The following ONECUT3 variants were observed in gnomAD, a reference collection of about 807,000 sequenced individuals.
The protein encoded by ONECUT3 is one cut homeobox 3.
A neutral mutation model predicts 16.8 loss-of-function variants in ONECUT3; 11 were observed. The observed-to-expected ratio is 0.66, with a 90% CI of 0.41 to 1.09. The LOEUF is 1.09. Among genes scored for constraint, ONECUT3 ranks in the 50% least tolerant of loss-of-function variants. The pLI, the probability that ONECUT3 is intolerant of heterozygous loss-of-function variation, is 0.00. For synonymous variants in ONECUT3, 344 were observed against 310.7 expected (o/e 1.11, Z -1.13); for missense variants, 637 against 629.9 (o/e 1.01, Z -0.12).
At chr19:1,756,695 A>ATTTTTTTTTTTTTT (rs58105449) in intron 1 of ONECUT3, among the ~76,000 whole-genome samples, 185 of 101,134 alleles carry the variant, frequency 1.8e-3, no homozygotes, top group Middle Eastern at 7.9e-3. Context: ...ACGCCTGGCT[A>ATTTTTTTTTTTTTT]TTTTTTTTTT....
Position 1,754,024 on chromosome 19 carries a change from C to T in ONECUT3, c.362C>T (p.Ala121Val), listed in dbSNP as rs1271150534. 8.1e-6 allele frequency: 8 copies of T among 992,540 alleles called. No individual in the cohort carries two copies. Among genetic ancestry groups the T allele is most frequent in the Non-Finnish European group, 9.6e-6 (8 of 836,186 alleles). 61.5% of individuals were successfully genotyped at this position (992,540 alleles called of 1,614,324 possible). ...CACCTGCCGCCGCTCGCGGCCGTGG[C>T]CGACAAGTTCCACCAGCACGCGGCG... ...LQHLPPLAAV[A>V]DKFHQHAAAA... Residue 121 changes from alanine (A) to valine (V), a missense_variant, in exon 1 of 2, where the codon GCC becomes GTC. Around this residue, in one of 3 missense-constraint regions of ONECUT3, gnomAD observed 419 missense variants for 377.9 expected, o/e 1.11. Transcript: ENST00000382349. The surrounding 1 kb of genome is among the most constrained non-coding windows in gnomAD (Gnocchi z 7.4).
Position 1,778,868 on chromosome 19 carries a change from A to ACT in ONECUT3, c.*3424_*3425insTC, listed in dbSNP as rs1310259761. On this transcript the variant is annotated 3_prime_UTR_variant, in exon 2 of 2. Transcript: ENST00000382349. ...GATCCTTTTCAGATATCTTCGTATC[A>ACT]CACACACACACACACACACACACAC... 1.5e-4 allele frequency: 4 copies of ACT among 27,322 alleles called. No individual in the cohort carries two copies. Among genetic ancestry groups the ACT allele is most frequent in the South Asian group, 9.8e-4 (1 of 1,024 alleles). The allele number at this position is 27,322 out of a possible 1,614,324, so 1.7% of individuals were successfully genotyped here. A position where few individuals can be genotyped will look rare whatever the true frequency, so the allele number is the denominator to read the frequency against.
At chr19:1,767,083 C>A (rs146618630) in intron 1 of ONECUT3, among the ~76,000 whole-genome samples, 12 of 152,208 alleles carry the variant, frequency 7.9e-5, no homozygotes, top group African/African-American at 2.9e-4. Flanking sequence ...AGTGACCCAA[C>A]TTTCTACTCT....
chr19:1,775,635 C>T lies in ONECUT3; in HGVS notation c.*190C>T. ...GCCCAAGTGCACAAAAAGGGCCCCC[C>T]TTCCTCCCTCCATGCCCACTCCCTC... On this transcript the variant is annotated 3_prime_UTR_variant, in exon 2 of 2. Transcript: ENST00000382349. 1.9e-6 allele frequency: 1 copy of T among 523,126 alleles called. No individual in the cohort carries two copies. The highest frequency in any genetic ancestry group is 3.3e-6 in the Non-Finnish European group (1 of 305,406). The allele number at this position is 523,126 out of a possible 1,614,324, so 32.4% of individuals were successfully genotyped here.
At chr19:1,767,218 C>A (rs1473275550) in intron 1 of ONECUT3, among the ~76,000 whole-genome samples, 1 of 152,154 alleles carries the variant, frequency 6.6e-6, no homozygotes, top group Non-Finnish European at 1.5e-5. Context: ...CAGAGCCCAG[C>A]TCCTCTCAGG....
In ONECUT3 at chr19:1,758,316, A is replaced by G. The variant is rs1156531602; in HGVS notation, c.1192+3462A>G. 1.2e-3 allele frequency among the ~76,000 whole-genome samples: 55 copies of G among 44,086 alleles called. No homozygotes were observed. Among genetic ancestry groups the G allele is most frequent in the African/African-American group, 2.8e-3 (54 of 19,530 alleles). The allele number at this position is 44,086 out of a possible 152,430, so 28.9% of individuals were successfully genotyped here. ...CAGAGAGACCAAAAAAAAAAAAAAA[A>G]GAGAGAGAGAGAGAGAGAGACAGAG... is the stretch of plus-strand genomic sequence containing the variant. On this transcript the variant is annotated intron_variant, in intron 1 of 1. Coordinates refer to ENST00000382349, the MANE Select transcript of ONECUT3 (RefSeq NM_001080488.2). This position sits in a 1 kb window ranked among gnomAD's most constrained non-coding sequence, Gnocchi z 5.9.
chr19:1,761,637 G>T (rs561043646), intron 1 of ONECUT3, among the ~76,000 whole-genome samples: 1 of 152,214 alleles, frequency 6.6e-6, no homozygotes, highest in Admixed American at 6.5e-5. Context: ...CGGCTTACCC[G>T]GGAGAGCTGG....
At position 1,777,198 on chromosome 19, in the gene ONECUT3, T is replaced by TAGAA. The variant is rs2068117418; in HGVS notation, c.*1754_*1757dup. Reference sequence around the variant, plus strand: ...AGCGACCGGATCTGAGTGATGCTTCTAGAACATTTGGGTGTTGGGGGGTTC... The same window carrying TAGAA: ...AGCGACCGGATCTGAGTGATGCTTCTAGAAAGAACATTTGGGTGTTGGGGGGTTC... On this transcript the variant is annotated 3_prime_UTR_variant, in exon 2 of 2. Transcript: ENST00000382349. The TAGAA allele has an allele frequency of 6.6e-6, 1 of 152,408 alleles. No homozygotes were observed. The highest frequency in any genetic ancestry group is 1.5e-5 in the Non-Finnish European group (1 of 68,182). 9.4% of individuals were successfully genotyped at this position (152,408 alleles called of 1,614,324 possible).
Position 1,762,120 on chromosome 19 carries a change from G to T in ONECUT3, c.1192+7266G>T, listed in dbSNP as rs1240534010. 6.6e-6 allele frequency among the ~76,000 whole-genome samples: 1 copy of T among 152,210 alleles called. No homozygotes were observed. The highest frequency in any genetic ancestry group is 1.5e-5 in the Non-Finnish European group (1 of 68,042). ...CTTGAGCCAGCAACTCCCCTAAGTG[G>T]GGTGCGGGGACATCTGGAAGACGCC... On this transcript the variant is annotated intron_variant, in intron 1 of 1. Transcript: ENST00000382349. This position sits in a 1 kb window ranked among gnomAD's most constrained non-coding sequence, Gnocchi z 4.4.
At chr19:1,763,226 T>C (rs534108173) in intron 1 of ONECUT3, among the ~76,000 whole-genome samples, 1 of 151,030 alleles carries the variant, frequency 6.6e-6, no homozygotes, top group Admixed American at 6.6e-5. Context: ...TAGCCGGGCG[T>C]GGTGGCACAT....
rs1044228664 is a variant in ONECUT3, at chr19:1,755,671, G to A, written c.1192+817G>A. Among the ~76,000 whole-genome samples the A allele has an allele frequency of 1.3e-5, 2 of 152,204 alleles. No individual in the cohort carries two copies. The highest frequency in any genetic ancestry group is 2.4e-5 in the African/African-American group (1 of 41,458). On this transcript the variant is annotated intron_variant, in intron 1 of 1. Transcript: ENST00000382349. The surrounding 1 kb of genome is among the most constrained non-coding windows in gnomAD (Gnocchi z 7.5). ...CTCCTCTCTCGGTCGGAACACACTG[G>A]TATCTCTATGTTTTTCTCTTGCTCT...
In ONECUT3 at chr19:1,766,324, G is replaced by A. The variant is rs2067988879; in HGVS notation, c.1193-8829G>A. On this transcript the variant is annotated intron_variant, in intron 1 of 1. Coordinates refer to ENST00000382349, the MANE Select transcript of ONECUT3 (RefSeq NM_001080488.2). The surrounding 1 kb of genome is among the most constrained non-coding windows in gnomAD (Gnocchi z 4.0). Reference sequence around the variant, plus strand: ...AGCCCGCACGCGGCCAACGTCAGGCGCGCGCAGAGGCACCCACGGGCCCGC... The same window carrying A: ...AGCCCGCACGCGGCCAACGTCAGGCACGCGCAGAGGCACCCACGGGCCCGC... Among the ~76,000 whole-genome samples the A allele has an allele frequency of 6.6e-6, 1 of 152,192 alleles. No homozygotes were observed. The highest frequency in any genetic ancestry group is 2.4e-5 in the African/African-American group (1 of 41,446).
In ONECUT3 at chr19:1,758,561, G is replaced by A. The variant is rs1667444961; in HGVS notation, c.1192+3707G>A. The stretch of plus-strand genomic sequence containing the variant: ...TTACCCATCTGTAAAATGTGCGTGT[G>A]GTGGGCCGAATTCTGGGTCTGACAC... On this transcript the variant is annotated intron_variant, in intron 1 of 1. Coordinates refer to ENST00000382349, the MANE Select transcript of ONECUT3 (RefSeq NM_001080488.2). The surrounding 1 kb of genome is among the most constrained non-coding windows in gnomAD (Gnocchi z 5.9). Among the ~76,000 whole-genome samples the A allele has an allele frequency of 6.6e-6, 1 of 152,198 alleles. No individual in the cohort carries two copies. Among genetic ancestry groups the A allele is most frequent in the Non-Finnish European group, 1.5e-5 (1 of 68,034 alleles).
intron 1 of ONECUT3, among the ~76,000 whole-genome samples, chr19:1,757,195 C>A (rs1453190184): frequency 6.6e-6 from 1 of 152,204 alleles, no homozygotes; most frequent in African/African-American, 2.4e-5. Context: ...TGAGTGGACA[C>A]CGCCTGCTTC....
At chr19:1,775,045 C>T in intron 1 of ONECUT3, 108 bp from the exon 2 acceptor site, 1 of 669,558 alleles carries the variant, frequency 1.5e-6, no homozygotes, top group Non-Finnish European at 2.4e-6. Flanking sequence ...CGTGTCCCTT[C>T]TCCCCTCCTC....
At chr19:1,768,077 G>A (rs2068009698) in intron 1 of ONECUT3, among the ~76,000 whole-genome samples, 1 of 152,158 alleles carries the variant, frequency 6.6e-6, no homozygotes, top group African/African-American at 2.4e-5. Context: ...GGTCCTGGAG[G>A]AGGTGCAGGG....
chr19:1,774,680 C>T (rs866674429), intron 1 of ONECUT3, among the ~76,000 whole-genome samples: 52 of 82,254 alleles, frequency 6.3e-4, no homozygotes, highest in African/African-American at 1.7e-3. Flanking sequence ...GAGGGTAGGA[C>T]GGGGTTTGGG....
chr19:1,775,142 C>CCCCCA lies in ONECUT3; in HGVS notation c.1193-11_1193-10insCCCCA. The CCCCCA allele has an allele frequency of 7.2e-7, 1 of 1,380,588 alleles. No individual in the cohort carries two copies. Among genetic ancestry groups the CCCCCA allele is most frequent in the Non-Finnish European group, 9.6e-7 (1 of 1,037,900 alleles). 85.5% of individuals were successfully genotyped at this position (1,380,588 alleles called of 1,614,324 possible). ...GTCCCGCTCGCCCGCCCGCCCGCCG[C>CCCCCA]TCGCCCGCAGCCTGCAAGCGCAAGG... On this transcript the variant is annotated splice_polypyrimidine_tract_variant and intron_variant, in intron 1 of 1. Transcript: ENST00000382349.
chr19:1,755,438 C>G lies in ONECUT3; in HGVS notation c.1192+584C>G, dbSNP rs563387032. Among the ~76,000 whole-genome samples, 103 of 152,122 alleles carry G rather than the reference C, an allele frequency of 6.8e-4. No homozygotes were observed. The highest frequency in any genetic ancestry group is 2.5e-3 in the African/African-American group (102 of 41,506). On this transcript the variant is annotated intron_variant, in intron 1 of 1. Transcript: ENST00000382349. This position sits in a 1 kb window ranked among gnomAD's most constrained non-coding sequence, Gnocchi z 7.5. ...CTTCTTTGTAGTTCGGCCCCGCGAT[C>G]GATACCCCCTCCCTCTCCCCTCCGG... is the stretch of plus-strand genomic sequence containing the variant.
Sources: gnomAD v4.1 joint callset for allele counts (sites outside exome capture counted in the v4.1 genomes callset) on GRCh38, gnomAD v4.1.1 for gene constraint, gnomAD v4.1.1 regional missense constraint, Gnocchi (gnomAD v3.1) non-coding constraint, MANE v1.5 for transcripts, NCBI Gene and HGNC (gene_info 2026-07-23, HGNC 2026-07-21) for gene names.